SOS1: variants seen among roughly 807,000 people sequenced by gnomAD.
SOS1 encodes SOS Ras/Rac guanine nucleotide exchange factor 1.
SOS1 carries 25 observed loss-of-function variants against 157.6 expected under a neutral mutation model. The ratio of observed to expected loss-of-function variants is 0.16; its 90% CI spans 0.12 to 0.22. The LOEUF (loss-of-function observed/expected upper bound fraction) is 0.22, where lower values mean the gene tolerates loss of function less well. Among genes scored for constraint, SOS1 ranks in the 10% least tolerant of loss-of-function variants. The pLI is 1.00. For missense variants in SOS1, 1,237 were observed against 1,599.1 expected, an observed-to-expected ratio of 0.77 and a Z score of 3.86; for synonymous variants, 528 against 534.0, an observed-to-expected ratio of 0.99 and a Z score of 0.16.
At chr2:39,061,341 T>C (rs1160688449) in intron 2 of SOS1, among the ~76,000 whole-genome samples, 1 of 152,016 alleles carries the variant, frequency 6.6e-6, no homozygotes, top group African/African-American at 2.4e-5. Flanking sequence ...TTTATAATTT[T>C]ATGATAAAAT....
rs772892649 is a variant in SOS1 at position 39,010,628 on chromosome 2, C to T, written c.2466G>A (p.Leu822=). 1 of 1,609,578 alleles carries T rather than the reference C, an allele frequency of 6.2e-7. No individual in the cohort carries two copies. Among genetic ancestry groups the T allele is most frequent in the Non-Finnish European group, 8.5e-7 (1 of 1,175,930 alleles). Residue 822 remains leucine, a synonymous_variant, in exon 15 of 23, where the codon CTG becomes CTA. Transcript: ENST00000402219. Reference sequence around the variant, plus strand: ...GGTTGGTGGTATGTCGAATCATTTTCAGAAGATTAGGAGAGTTAATTTCTT... The same window carrying T: ...GGTTGGTGGTATGTCGAATCATTTTTAGAAGATTAGGAGAGTTAATTTCTT... The part of the protein sequence containing the change: ...EDKEINSPNL[L]KMIRHTTNLT...
rs529486298 is a variant in SOS1, at chr2:39,024,362, T to C, written c.1075-225A>G. 2.6e-4 allele frequency among the ~76,000 whole-genome samples: 40 copies of C among 152,298 alleles called. 1 individual carries two copies. In the South Asian group the frequency reaches 8.1e-3, roughly 31 times the overall value. ...AGATTAGCAGTGTTAAGATGGGTTA[T>C]ATCTTGTGACAGGCAGTAATATGTA... On this transcript the variant is annotated intron_variant, in intron 8 of 22. Transcript: ENST00000402219.
chr2:39,096,276 G>A (rs72906476), intron 1 of SOS1, among the ~76,000 whole-genome samples: 1,653 of 152,134 alleles, frequency 0.011, 37 homozygotes, highest in African/African-American at 0.038. Context: ...TTTCTAATAG[G>A]TTTAAGACAT....
At chr2:39,091,214 C>G (rs954164660) in intron 1 of SOS1, among the ~76,000 whole-genome samples, 3 of 152,132 alleles carry the variant, frequency 2.0e-5, no homozygotes, top group African/African-American at 7.2e-5. Context: ...ACCAACACTG[C>G]TGGTCTGAGG....
intron 1 of SOS1, among the ~76,000 whole-genome samples, chr2:39,115,569 C>T (rs932301838): frequency 6.6e-6 from 1 of 151,778 alleles, no homozygotes; most frequent in African/African-American, 2.4e-5. Flanking sequence ...CTCATGCCAC[C>T]ACACCTGGCT....
chr2:38,990,202 C>G (rs1277191707), intron 20 of SOS1, among the ~76,000 whole-genome samples: 1 of 149,982 alleles, frequency 6.7e-6, no homozygotes, highest in African/African-American at 2.5e-5. Flanking sequence ...GGCAATCCCT[C>G]ACATAATTTG....
chr2:39,005,572 G>A (rs1406198423), intron 17 of SOS1, among the ~76,000 whole-genome samples: 2 of 152,024 alleles, frequency 1.3e-5, no homozygotes, highest in Non-Finnish European at 1.5e-5. Flanking sequence ...TATATACAAT[G>A]TGCACAGCAA....
chr2:39,097,055 G>T (rs1672791810), intron 1 of SOS1, among the ~76,000 whole-genome samples: 1 of 152,138 alleles, frequency 6.6e-6, no homozygotes, highest in South Asian at 2.1e-4. Context: ...AGAGTTGGAT[G>T]ATCTATAAAA....
intron 1 of SOS1, among the ~76,000 whole-genome samples, chr2:39,115,395 T>G (rs1673607444): frequency 6.9e-6 from 1 of 145,182 alleles, no homozygotes. Context: ...TGTATCAAAT[T>G]TGTTCTCTCT....
chr2:39,018,945 G>C (rs1000085573), intron 10 of SOS1, among the ~76,000 whole-genome samples: 2 of 151,736 alleles, frequency 1.3e-5, no homozygotes, highest in Non-Finnish European at 3.0e-5. Context: ...TATAAAAATA[G>C]AACAGCGCTG....
chr2:39,029,804 G>A (rs960666661), intron 8 of SOS1, among the ~76,000 whole-genome samples: 2 of 152,086 alleles, frequency 1.3e-5, no homozygotes, highest in East Asian at 1.9e-4. Context: ...GCTTTGAGCC[G>A]ATGGTTTCTA....
At chr2:39,102,740 T>C (rs1673019446) in intron 1 of SOS1, among the ~76,000 whole-genome samples, 1 of 151,416 alleles carries the variant, frequency 6.6e-6, no homozygotes, top group South Asian at 2.1e-4. Context: ...AGCAGAGGAG[T>C]TCAAGACCAT....
intron 1 of SOS1, among the ~76,000 whole-genome samples, chr2:39,119,331 C>A (rs1333880999): frequency 1.3e-5 from 2 of 152,138 alleles, no homozygotes; most frequent in Admixed American, 1.3e-4. Context: ...TGTAAGACAG[C>A]AAGAGGGACC....
chr2:39,004,359 T>C (rs1045020175), intron 17 of SOS1, among the ~76,000 whole-genome samples: 11 of 128,906 alleles, frequency 8.5e-5, no homozygotes, highest in African/African-American at 2.1e-4. Flanking sequence ...TGAGCCGAGA[T>C]GGCAGCTACT....
At chr2:39,062,979 G>C (rs192474740) in intron 2 of SOS1, among the ~76,000 whole-genome samples, 1 of 151,960 alleles carries the variant, frequency 6.6e-6, no homozygotes, top group Non-Finnish European at 1.5e-5. Context: ...GCATTCCCCA[G>C]CATTAAAATA....
intron 8 of SOS1, among the ~76,000 whole-genome samples, chr2:39,033,041 A>G (rs1670219439): frequency 6.6e-6 from 1 of 151,890 alleles, no homozygotes; most frequent in South Asian, 2.1e-4. Flanking sequence ...CACATTTGGC[A>G]TATCCAGGGC....
Position 38,989,303 on chromosome 2 carries a change from CGGT to C in SOS1, c.3355_3357del (p.Thr1119del). 6.2e-7 allele frequency: 1 copy of C among 1,605,630 alleles called. No homozygotes were observed. Among genetic ancestry groups the C allele is most frequent in the Non-Finnish European group, 8.5e-7 (1 of 1,172,692 alleles). On this transcript the variant is annotated inframe_deletion, in exon 21 of 23. Transcript: ENST00000402219. ...TGGGGCAGAGTAACTTGGATAAAGA[CGGT>C]ATCATTGCCTGTGAAAGGAAACAAG...
At chr2:39,013,025 C>CT (rs1669518781) in intron 13 of SOS1, among the ~76,000 whole-genome samples, 1 of 152,062 alleles carries the variant, frequency 6.6e-6, no homozygotes, top group African/African-American at 2.4e-5. Flanking sequence ...TCTAAAGAAT[C>CT]TAAGTGATTT....
At chr2:39,079,712 C>A (rs560800343) in intron 1 of SOS1, among the ~76,000 whole-genome samples, 20 of 152,212 alleles carry the variant, frequency 1.3e-4, no homozygotes, top group African/African-American at 4.8e-4. Flanking sequence ...TCAGGCTGGT[C>A]TCAAACTCCT....
Sources: gnomAD v4.1 joint callset for allele counts (sites outside exome capture counted in the v4.1 genomes callset) on GRCh38, gnomAD v4.1.1 for gene constraint, MANE v1.5 for transcripts, NCBI Gene and HGNC (gene_info 2026-07-23, HGNC 2026-07-21) for gene names.